RCOR1: variants seen among roughly 807,000 people sequenced by gnomAD.
The protein encoded by RCOR1 is REST corepressor.
RCOR1 carries 12 observed loss-of-function variants against 64.0 expected under a neutral mutation model. The ratio of observed to expected loss-of-function variants is 0.19; its 90% CI spans 0.12 to 0.30. The LOEUF is 0.30. Ranked by LOEUF, RCOR1 falls within the 10% of genes least tolerant of loss-of-function variation. The pLI is 1.00. For synonymous variants in RCOR1, 279 were observed against 227.2 expected, an observed-to-expected ratio of 1.23 and a Z score of -2.05; for missense variants, 502 against 621.2, an observed-to-expected ratio of 0.81 and a Z score of 2.04.
In RCOR1 at chr14:102,592,950, GCCGCCTCCGCCT is replaced by G. The variant is rs747961008; in HGVS notation, c.70_81del (p.Ser24_Ala27del). The stretch of plus-strand genomic sequence containing the variant: ...GAAGCGGAGAGGGAGGAACAACGCG[GCCGCCTCCGCCT>G]CCGCCGCCGCCGCCTCCGCCGCCGC... On this transcript the variant is annotated inframe_deletion, in exon 1 of 12. Transcript: ENST00000262241. 1 of 1,189,376 alleles carries G rather than the reference GCCGCCTCCGCCT, an allele frequency of 8.4e-7. No individual in the cohort carries two copies. The highest frequency in any genetic ancestry group is 1.0e-6 in the Non-Finnish European group (1 of 954,184). The allele number at this position is 1,189,376 out of a possible 1,614,324, so 73.7% of individuals were successfully genotyped here. A position where few individuals can be genotyped will look rare whatever the true frequency, so the allele number is the denominator to read the frequency against.
intron 4 of RCOR1, among the ~76,000 whole-genome samples, chr14:102,706,522 A>T (rs560666814): frequency 6.6e-6 from 1 of 152,164 alleles, no homozygotes; most frequent in South Asian, 2.1e-4. Context: ...TGGTGGGGAA[A>T]ACAGGATGGC....
chr14:102,636,381 G>A (rs554830961), intron 2 of RCOR1, among the ~76,000 whole-genome samples: 5 of 150,468 alleles, frequency 3.3e-5, no homozygotes, highest in East Asian at 2.0e-4. Flanking sequence ...GGGTTCAAGC[G>A]ATTCTCCTGC....
At position 102,681,891 on chromosome 14, in the gene RCOR1, CA is replaced by C; in HGVS notation, c.362-2del. The stretch of plus-strand genomic sequence containing the variant: ...TAAGAATTTTCTTTTTTCTTTCTCC[CA>C]AGCCAAACTGGCAAGACGCAGTCAA... On this transcript the variant is annotated splice_polypyrimidine_tract_variant and splice_region_variant and intron_variant, in intron 2 of 11. Transcript: ENST00000262241. The C allele has an allele frequency of 6.2e-7, 1 of 1,610,982 alleles. No homozygotes were observed. Among genetic ancestry groups the C allele is most frequent in the Non-Finnish European group, 8.5e-7 (1 of 1,177,672 alleles).
intron 2 of RCOR1, among the ~76,000 whole-genome samples, chr14:102,597,308 T>C (rs1315426101): frequency 6.6e-6 from 1 of 151,978 alleles, no homozygotes; most frequent in African/African-American, 2.4e-5. Flanking sequence ...ATGGTAGAGA[T>C]GCATGAATGG....
intron 2 of RCOR1, among the ~76,000 whole-genome samples, chr14:102,677,892 G>GCACTCCAGCCTGGGCACCATTGAGCAC: frequency 1.3e-5 from 2 of 151,932 alleles, no homozygotes; most frequent in South Asian, 4.2e-4. Context: ...TCACGCCACT[G>GCACTCCAGCCTGGGCACCATTGAGCAC]CACTCCAGCC....
At position 102,721,080 on chromosome 14, in the gene RCOR1, C is replaced by A; in HGVS notation, c.1127C>A (p.Pro376Gln). 6.5e-7 allele frequency: 1 copy of A among 1,548,748 alleles called. No individual in the cohort carries two copies. The highest frequency in any genetic ancestry group is 1.9e-5 in the Admixed American group (1 of 53,524). The change falls in exon 9 of 12, where the codon CCA becomes CAA. Residue 376 changes from proline to glutamine, a missense_variant. Physicochemically the swap from Pro to Gln is moderately conservative, Grantham distance 76. Coordinates refer to ENST00000262241, the MANE Select transcript of RCOR1 (RefSeq NM_015156.4). ...GGTGGAATAGAACCATATCGACTTC[C>A]AGAGGTAGGATTATGTTAACATCAT... is the stretch of plus-strand genomic sequence containing the variant. ...LDGGIEPYRL[P>Q]EVIQKCNARW...
At chr14:102,679,007 T>G (rs1895248806) in intron 2 of RCOR1, among the ~76,000 whole-genome samples, 1 of 152,230 alleles carries the variant, frequency 6.6e-6, no homozygotes, top group South Asian at 2.1e-4. Context: ...TGAAAGTTCT[T>G]TATGTATTCT....
intron 2 of RCOR1, among the ~76,000 whole-genome samples, chr14:102,605,523 A>T (rs140826968): frequency 0.01 from 1,542 of 152,304 alleles, 16 homozygotes; most frequent in Admixed American, 0.015. Flanking sequence ...ATAGTGCAAC[A>T]GCGTGTAGCA....
At chr14:102,699,835 A>G (rs193174158) in intron 3 of RCOR1, among the ~76,000 whole-genome samples, 7 of 151,726 alleles carry the variant, frequency 4.6e-5, no homozygotes, top group Admixed American at 1.3e-4. Flanking sequence ...TGGCAGTGCT[A>G]TTGACTAGTG....
intron 2 of RCOR1, among the ~76,000 whole-genome samples, chr14:102,617,593 T>C (rs866662018): frequency 0.13 from 19,524 of 146,470 alleles, 1,606 homozygotes; most frequent in African/African-American, 0.23. Context: ...CTTTCTTTTT[T>C]TTTTTTTTTT....
chr14:102,679,020 A>G (rs750974802), intron 2 of RCOR1, among the ~76,000 whole-genome samples: 9 of 152,156 alleles, frequency 5.9e-5, no homozygotes, highest in Non-Finnish European at 1.0e-4. Flanking sequence ...TGTATTCTGG[A>G]TAGAAGTCCT....
intron 2 of RCOR1, among the ~76,000 whole-genome samples, chr14:102,597,738 G>GTTCTCCT (rs1229763386): frequency 4.2e-5 from 6 of 142,702 alleles, no homozygotes; most frequent in Non-Finnish European, 9.0e-5. Context: ...GGTTCAAGCA[G>GTTCTCCT]TTCTCCTGCC....
chr14:102,593,835 G>C (rs1893187618), intron 2 of RCOR1, among the ~76,000 whole-genome samples: 1 of 152,200 alleles, frequency 6.6e-6, no homozygotes, highest in Non-Finnish European at 1.5e-5. Context: ...CAGAAGGCGA[G>C]TAGAAGAACG....
chr14:102,638,159 A>G (rs1894285921), intron 2 of RCOR1, among the ~76,000 whole-genome samples: 1 of 152,212 alleles, frequency 6.6e-6, no homozygotes, highest in South Asian at 2.1e-4. Flanking sequence ...TTTTGGGGAT[A>G]GCACACATAA....
At chr14:102,661,299 G>C (rs1382371272) in intron 2 of RCOR1, among the ~76,000 whole-genome samples, 1 of 152,114 alleles carries the variant, frequency 6.6e-6, no homozygotes, top group East Asian at 1.9e-4. Context: ...AGTGAGTCGA[G>C]ATTGTGCCGC....
In RCOR1 at chr14:102,633,554, C is replaced by T. The variant is rs540271384; in HGVS notation, c.361+40229C>T. Among the ~76,000 whole-genome samples the T allele has an allele frequency of 2.6e-3, 390 of 151,524 alleles. 1 individual carries two copies. Among genetic ancestry groups the T allele is most frequent in the Non-Finnish European group, 4.4e-3 (301 of 67,852 alleles). ...AAATGGAGGTTTTTTTTTCTTTTCTCTTTGAGACGGAGTTTTGCTCTGTCA... is the reference window on the plus strand; with the variant it reads ...AAATGGAGGTTTTTTTTTCTTTTCTTTTTGAGACGGAGTTTTGCTCTGTCA... On this transcript the variant is annotated intron_variant, in intron 2 of 11. Transcript: ENST00000262241.
At chr14:102,653,217 C>T (rs1894628184) in intron 2 of RCOR1, among the ~76,000 whole-genome samples, 1 of 151,902 alleles carries the variant, frequency 6.6e-6, no homozygotes, top group South Asian at 2.1e-4. Flanking sequence ...CTACTGCACC[C>T]AGCCTATTAT....
chr14:102,665,378 G>T (rs1344315319), intron 2 of RCOR1, among the ~76,000 whole-genome samples: 3 of 147,562 alleles, frequency 2.0e-5, no homozygotes, highest in Non-Finnish European at 3.0e-5. Context: ...ACAGGCTAAT[G>T]TAAGTGTTCT....
chr14:102,665,637 G>A (rs868727866), intron 2 of RCOR1, among the ~76,000 whole-genome samples: 2 of 152,090 alleles, frequency 1.3e-5, no homozygotes, highest in African/African-American at 4.8e-5. Flanking sequence ...TAGCTTGTTC[G>A]TCATCACTCA....
Sources: gnomAD v4.1 joint callset for allele counts (sites outside exome capture counted in the v4.1 genomes callset) on GRCh38, gnomAD v4.1.1 for gene constraint, MANE v1.5 for transcripts, NCBI Gene and HGNC (gene_info 2026-07-23, HGNC 2026-07-21) for gene names.